The following AFG2B variants were observed in gnomAD, a reference collection of about 807,000 sequenced individuals.
AFG2B encodes AAA ATPase AFG2B.
the AFG2B span, among the ~76,000 whole-genome samples, chr15:45,407,823 TAATAAAATTTTCAGGACTTTTTA>T: frequency 6.6e-6 from 1 of 152,216 alleles, no homozygotes; most frequent in Non-Finnish European, 1.5e-5. Context: ...CAGATATTTT[TAATAAAATTTTCAGGACTTTTTA>T]ACTAACAAAA....
chr15:45,407,280 T>A, the AFG2B span: 4 of 1,160,546 alleles, frequency 3.4e-6, no homozygotes, highest in African/African-American at 1.6e-5. Context: ...CTGCTACCTC[T>A]CCCTGTACCA....
chr15:45,419,013 T>C, the AFG2B span, among the ~76,000 whole-genome samples: 2 of 152,066 alleles, frequency 1.3e-5, no homozygotes, highest in South Asian at 4.1e-4. Context: ...AAACTGAAAT[T>C]GGAAGGACAA....
the AFG2B span, among the ~76,000 whole-genome samples, chr15:45,411,222 A>G: frequency 6.6e-6 from 1 of 152,194 alleles, no homozygotes; most frequent in Non-Finnish European, 1.5e-5. Context: ...TGTATAACCT[A>G]TAGTCTTAGC....
chr15:45,420,454 A>G, the AFG2B span, among the ~76,000 whole-genome samples: 1 of 152,196 alleles, frequency 6.6e-6, no homozygotes, highest in Non-Finnish European at 1.5e-5. Flanking sequence ...ATATTCTCTC[A>G]TCTTTAAAAA....
the AFG2B span, chr15:45,415,911 T>C: frequency 1.1e-6 from 1 of 874,162 alleles, no homozygotes; most frequent in Non-Finnish European, 1.6e-6. Flanking sequence ...TAGAAGGATT[T>C]ATATAATTTC....
At chr15:45,403,016 C>T in the AFG2B span, 12 of 1,584,206 alleles carry the variant, frequency 7.6e-6, no homozygotes, top group Admixed American at 1.7e-5. Context: ...GAAGCCCAGC[C>T]GCAGCCCGAG....
At chr15:45,416,680 G>A in the AFG2B span, among the ~76,000 whole-genome samples, 1 of 152,214 alleles carries the variant, frequency 6.6e-6, no homozygotes, top group Non-Finnish European at 1.5e-5. Flanking sequence ...TTTGTACTTT[G>A]AGGGATTACG....
At chr15:45,411,347 C>T in the AFG2B span, among the ~76,000 whole-genome samples, 1 of 152,184 alleles carries the variant, frequency 6.6e-6, no homozygotes, top group Non-Finnish European at 1.5e-5. Flanking sequence ...CACATGTTTG[C>T]TCTGTCACCC....
the AFG2B span, chr15:45,417,497 T>G: frequency 4.6e-6 from 6 of 1,315,486 alleles, no homozygotes; most frequent in Non-Finnish European, 6.2e-6. Context: ...GGGTTCCGCC[T>G]TCTTCCTTGC....
At chr15:45,419,995 C>A in the AFG2B span, among the ~76,000 whole-genome samples, 3 of 94,242 alleles carry the variant, frequency 3.2e-5, no homozygotes, top group Non-Finnish European at 5.7e-5. Flanking sequence ...GTCCCCCCCC[C>A]CCAAAAAAAA....
chr15:45,410,649 A>T, the AFG2B span: 1 of 905,340 alleles, frequency 1.1e-6, no homozygotes, highest in Non-Finnish European at 1.6e-6. Context: ...TGATCCTAAC[A>T]TCTAAATCCA....
the AFG2B span, chr15:45,402,353 C>A: frequency 3.3e-6 from 5 of 1,538,334 alleles, no homozygotes; most frequent in Non-Finnish European, 4.4e-6. Flanking sequence ...TTCCGGCCTG[C>A]GAGCTCGGTG....
At chr15:45,414,674 C>T in the AFG2B span, 1 of 1,614,154 alleles carries the variant, frequency 6.2e-7, no homozygotes, top group Non-Finnish European at 8.5e-7. Flanking sequence ...GCTAAAACCA[C>T]TCTGGTGAGG....
At chr15:45,413,820 A>G in the AFG2B span, among the ~76,000 whole-genome samples, 1 of 152,174 alleles carries the variant, frequency 6.6e-6, no homozygotes, top group Non-Finnish European at 1.5e-5. Flanking sequence ...CTGCCACCTC[A>G]TTAGCAGTAA....
chr15:45,415,882 C>T, the AFG2B span: 1 of 1,102,608 alleles, frequency 9.1e-7, no homozygotes, highest in African/African-American at 1.6e-5. Context: ...ATAGCTTTAC[C>T]TATGCTGAAT....
the AFG2B span, among the ~76,000 whole-genome samples, chr15:45,410,696 G>C: frequency 6.6e-6 from 1 of 152,158 alleles, no homozygotes; most frequent in South Asian, 2.1e-4. Flanking sequence ...TTGGACTTCT[G>C]TGGATGTCTA....
chr15:45,406,411 T>G, the AFG2B span, among the ~76,000 whole-genome samples: 2 of 152,212 alleles, frequency 1.3e-5, no homozygotes, highest in African/African-American at 2.4e-5. Context: ...CAAGATACCG[T>G]TTTTCCCTTT....
the AFG2B span, chr15:45,421,311 A>G: frequency 1.2e-6 from 1 of 806,564 alleles, no homozygotes. Flanking sequence ...TATTTCCTGT[A>G]AGTGAATAAA....
the AFG2B span, among the ~76,000 whole-genome samples, chr15:45,407,951 C>A: frequency 8.4e-3 from 1,275 of 152,130 alleles, 17 homozygotes; most frequent in African/African-American, 0.029. Flanking sequence ...ATAACATAAA[C>A]CTTAATAGCC....
Sources: allele counts gnomAD v4.1 joint callset (sites outside exome capture counted in the v4.1 genomes callset), GRCh38; gene constraint gnomAD v4.1.1; transcripts MANE v1.5; gene names NCBI Gene and HGNC (gene_info 2026-07-23, HGNC 2026-07-21).